The following RP1 variants were observed in gnomAD, a reference collection of about 807,000 sequenced individuals.
The protein encoded by RP1 is oxygen-regulated protein 1.
In RP1, 16 loss-of-function variants were observed where a neutral mutation model predicts 14.8. The ratio of observed to expected loss-of-function variants is 1.08; its 90% CI spans 0.73 to 1.65. RP1 has a LOEUF of 1.65. Ranked by LOEUF, RP1 falls within the 40% of genes most tolerant of loss-of-function variation. The pLI is 0.00. For synonymous variants in RP1, 876 were observed against 883.6 expected, an observed-to-expected ratio of 0.99 and a Z score of 0.15; for missense variants, 2,631 against 2,535.0, an observed-to-expected ratio of 1.04 and a Z score of -0.81.
chr8:54,865,204 AT>A (rs2129329745), intron 27 of RP1, among the ~76,000 whole-genome samples: 1 of 151,966 alleles, frequency 6.6e-6, no homozygotes, highest in South Asian at 2.1e-4. Context: ...ATTTCTAACA[AT>A]TTTTCTCATC....
At chr8:54,586,225 C>T (rs1283337027) in intron 1 of RP1, among the ~76,000 whole-genome samples, 1 of 152,190 alleles carries the variant, frequency 6.6e-6, no homozygotes, top group Non-Finnish European at 1.5e-5. Context: ...AGTCAGGACC[C>T]TCAGCTGCAG....
rs534993074 is a variant in RP1, at chr8:54,586,764, A to G, written c.-13+27444A>G. 5.2e-3 allele frequency among the ~76,000 whole-genome samples: 798 copies of G among 152,150 alleles called. 8 individuals are homozygous for G. The highest frequency in any genetic ancestry group is 3.5e-3 in the Non-Finnish European group (238 of 68,014). On this transcript the variant is annotated intron_variant, in intron 1 of 22. Transcript: ENST00000636932. ...TCAGACTGCTGTGCTAGCAATGAGC[A>G]TGGCTCCGTGGGCATAGGACCCTCC...
At position 54,624,865 on chromosome 8, in the gene RP1, A is replaced by T. The variant is rs1164113448; in HGVS notation, c.983A>T (p.Asp328Val). 1 of 1,613,670 alleles carries T rather than the reference A, an allele frequency of 6.2e-7. No homozygotes were observed. Among genetic ancestry groups the T allele is most frequent in the East Asian group, 2.2e-5 (1 of 44,872 alleles). The change falls in exon 4 of 4, where the codon GAC (aspartate) becomes GTC (valine). Residue 328 changes from aspartate to valine, a missense_variant. Coordinates refer to ENST00000220676, the MANE Select transcript of RP1 (RefSeq NM_006269.2). ...GAGAAATCAATTATTTTTAATCAAG[A>T]CGGCACTATGACAGTTGAGATGAAA... ...DIEKSIIFNQ[D>V]GTMTVEMKVR... is the part of the protein sequence containing the mutation.
intron 24 of RP1, among the ~76,000 whole-genome samples, chr8:54,797,076 T>C (rs1810594903): frequency 2.0e-5 from 3 of 152,118 alleles, no homozygotes; most frequent in South Asian, 4.2e-4. Context: ...GTGTAAAGAG[T>C]AGACTCCTTT....
At chr8:54,710,703 T>C (rs1247251741) in intron 15 of RP1, among the ~76,000 whole-genome samples, 1 of 152,188 alleles carries the variant, frequency 6.6e-6, no homozygotes, top group Admixed American at 6.5e-5. Flanking sequence ...CAGGTCACTC[T>C]ACCCTGAAGT....
At chr8:54,799,892 G>A (rs1247655812) in intron 24 of RP1, among the ~76,000 whole-genome samples, 1 of 151,888 alleles carries the variant, frequency 6.6e-6, no homozygotes, top group Non-Finnish European at 1.5e-5. Context: ...AATTAAAAAT[G>A]AGAAAAATAA....
chr8:54,674,395 A>C (rs1807247586), intron 8 of RP1, among the ~76,000 whole-genome samples: 1 of 152,016 alleles, frequency 6.6e-6, no homozygotes, highest in Admixed American at 6.6e-5. Context: ...TCTTCTCATC[A>C]ACTCTGTGAG....
intron 16 of RP1, among the ~76,000 whole-genome samples, chr8:54,723,828 A>G (rs752132900): frequency 7.2e-5 from 11 of 152,326 alleles, no homozygotes; most frequent in Non-Finnish European, 1.6e-4. Flanking sequence ...ATACTTAGGA[A>G]AGAGTGAACC....
chr8:54,625,965 A>T lies in RP1; in HGVS notation c.2083A>T (p.Ile695Phe). The T allele has an allele frequency of 6.2e-7, 1 of 1,614,036 alleles. No individual in the cohort carries two copies. The change falls in exon 4 of 4, where the codon ATT (isoleucine) becomes TTT (phenylalanine). Residue 695 changes from isoleucine to phenylalanine, a missense_variant. Ile to Phe is a conservative substitution (Grantham distance 21, BLOSUM62 0). Transcript: ENST00000220676. ...YQDGQLATKG[I>F]LNKNERINTK... ...AGATGGACAGCTTGCAACCAAAGGA[A>T]TTCTTAATAAGAATGAGAGAATAAA...
chr8:54,809,798 G>A (rs1810944559), intron 24 of RP1, among the ~76,000 whole-genome samples: 1 of 152,178 alleles, frequency 6.6e-6, no homozygotes, highest in Non-Finnish European at 1.5e-5. Context: ...TATTATTTAA[G>A]GTGGCAATAA....
chr8:54,788,205 C>A (rs79330031), intron 24 of RP1, among the ~76,000 whole-genome samples: 5,683 of 152,162 alleles, frequency 0.037, 235 homozygotes, highest in African/African-American at 0.094. Context: ...GAAATGTCTG[C>A]AGGCTGGAGT....
intron 24 of RP1, among the ~76,000 whole-genome samples, chr8:54,789,246 A>G (rs1810403220): frequency 6.6e-6 from 1 of 152,216 alleles, no homozygotes; most frequent in Non-Finnish European, 1.5e-5. Context: ...CTGCCTAACC[A>G]TGGAGCAAAA....
At chr8:54,679,329 C>A in intron 9 of RP1, 1 of 1,144,788 alleles carries the variant, frequency 8.7e-7, no homozygotes. Flanking sequence ...CCCTTTCCTG[C>A]TATCTTGTAT....
chr8:54,860,382 A>G (rs1234049836), intron 27 of RP1, among the ~76,000 whole-genome samples: 1 of 152,170 alleles, frequency 6.6e-6, no homozygotes, highest in Non-Finnish European at 1.5e-5. Context: ...ATACAGTATT[A>G]TTCTTTTAAC....
At chr8:54,684,811 A>T (rs1189225365) in intron 12 of RP1, among the ~76,000 whole-genome samples, 1 of 152,144 alleles carries the variant, frequency 6.6e-6, no homozygotes, top group Admixed American at 6.5e-5. Context: ...ATGCAGCCAT[A>T]AAAAGGAATG....
At chr8:54,727,526 T>C (rs1168574482) in intron 17 of RP1, among the ~76,000 whole-genome samples, 1 of 152,092 alleles carries the variant, frequency 6.6e-6, no homozygotes, top group Non-Finnish European at 1.5e-5. Context: ...CTATATGTCT[T>C]ATGAAAATTT....
At chr8:54,617,619 A>T (rs1805751813) in intron 1 of RP1, among the ~76,000 whole-genome samples, 1 of 152,150 alleles carries the variant, frequency 6.6e-6, no homozygotes, top group Non-Finnish European at 1.5e-5. Flanking sequence ...TGCCTCTGGC[A>T]TCTCAACTTT....
intron 14 of RP1, among the ~76,000 whole-genome samples, chr8:54,705,918 A>T (rs914626046): frequency 6.7e-6 from 1 of 150,298 alleles, no homozygotes; most frequent in Non-Finnish European, 1.5e-5. Flanking sequence ...ATCTATTATC[A>T]GTTTTACTGT....
At chr8:54,698,602 A>G (rs1295253786) in intron 12 of RP1, among the ~76,000 whole-genome samples, 2 of 152,192 alleles carry the variant, frequency 1.3e-5, no homozygotes, top group South Asian at 2.1e-4. Flanking sequence ...TGTTTATTGC[A>G]GCACTGTTCA....
Sources: allele counts gnomAD v4.1 joint callset (sites outside exome capture counted in the v4.1 genomes callset), GRCh38; gene constraint gnomAD v4.1.1; transcripts MANE v1.5; gene names NCBI Gene and HGNC (gene_info 2026-07-23, HGNC 2026-07-21).